TASP1: variants seen among roughly 807,000 people sequenced by gnomAD.
TASP1 encodes taspase 1.
Under a neutral mutation model 56.6 loss-of-function variants are expected in TASP1, and 16 were observed. The observed-to-expected ratio is 0.28, with a 90% CI of 0.19 to 0.43. The LOEUF is 0.43. Among genes scored for constraint, TASP1 ranks in the 20% least tolerant of loss-of-function variants. The pLI is 1.00. For missense variants in TASP1, 393 were observed against 511.6 expected, an observed-to-expected ratio of 0.77 and a Z score of 2.24; for synonymous variants, 179 against 184.2, an observed-to-expected ratio of 0.97 and a Z score of 0.23.
intron 12 of TASP1, among the ~76,000 whole-genome samples, chr20:13,434,728 G>C (rs1430909827): frequency 3.3e-5 from 5 of 152,086 alleles, no homozygotes; most frequent in African/African-American, 1.2e-4. Context: ...GCCTTGTTAT[G>C]GGTCACCTCA....
the TASP1 span, among the ~76,000 whole-genome samples, chr20:13,172,047 C>T: frequency 6.6e-6 from 1 of 150,808 alleles, no homozygotes; most frequent in South Asian, 2.1e-4. Context: ...AAGCAAAGGC[C>T]AGAAAAAAAT....
chr20:13,134,754 A>G, the TASP1 span, among the ~76,000 whole-genome samples: 1 of 151,678 alleles, frequency 6.6e-6, no homozygotes, highest in East Asian at 1.9e-4. Context: ...ACAAAGGTAA[A>G]GGACCTAGCA....
At chr20:13,268,380 CT>C in the TASP1 span, among the ~76,000 whole-genome samples, 2 of 132,050 alleles carry the variant, frequency 1.5e-5, no homozygotes, top group South Asian at 2.4e-4. Context: ...CTCTCTCTCT[CT>C]CTCTCTCTCT....
the TASP1 span, chr20:13,164,867 A>G: frequency 6.2e-7 from 1 of 1,611,538 alleles, no homozygotes. Flanking sequence ...TCGAAGATTA[A>G]GTTTCCTGGT....
chr20:13,162,701 C>T, the TASP1 span, among the ~76,000 whole-genome samples: 3 of 152,320 alleles, frequency 2.0e-5, no homozygotes, highest in East Asian at 5.8e-4. Context: ...CAACTCTAGC[C>T]TCGCTTTCAT....
At chr20:13,350,460 TGAA>T in the TASP1 span, among the ~76,000 whole-genome samples, 2 of 151,946 alleles carry the variant, frequency 1.3e-5, no homozygotes, top group Non-Finnish European at 2.9e-5. Context: ...AAAATAAACT[TGAA>T]GAAATCACAT....
chr20:13,586,950 A>C (rs2047326052), intron 5 of TASP1, among the ~76,000 whole-genome samples: 5 of 152,114 alleles, frequency 3.3e-5, no homozygotes, highest in Admixed American at 3.3e-4. Context: ...AATTTTATTT[A>C]TATTACCTGA....
At chr20:13,202,991 T>C in the TASP1 span, among the ~76,000 whole-genome samples, 10 of 152,228 alleles carry the variant, frequency 6.6e-5, no homozygotes, top group African/African-American at 2.2e-4. Flanking sequence ...CTAAACTTAA[T>C]TTAACACAAT....
chr20:13,361,212 C>T, the TASP1 span, among the ~76,000 whole-genome samples: 1 of 152,100 alleles, frequency 6.6e-6, no homozygotes, highest in Admixed American at 6.5e-5. Flanking sequence ...ACTAAAATAC[C>T]TCTTAGTCTA....
intron 8 of TASP1, among the ~76,000 whole-genome samples, chr20:13,537,231 T>C (rs1023094241): frequency 1.3e-5 from 2 of 152,170 alleles, no homozygotes; most frequent in Non-Finnish European, 2.9e-5. Flanking sequence ...TATACATACA[T>C]GGATTTACTG....
At chr20:13,293,643 G>A in the TASP1 span, among the ~76,000 whole-genome samples, 1 of 152,198 alleles carries the variant, frequency 6.6e-6, no homozygotes, top group Middle Eastern at 3.4e-3. Context: ...AGACAAATAA[G>A]AAAGTCTGGA....
the TASP1 span, among the ~76,000 whole-genome samples, chr20:13,321,253 T>TAAAAAAAAAAAAAAAAAAAAAAAA: frequency 3.0e-4 from 17 of 57,522 alleles, no homozygotes; most frequent in Non-Finnish European, 4.4e-4. Context: ...GTGCCCCACA[T>TAAAAAAAAAAAAAAAAAAAAAAAA]AAAAAAAAAA....
At chr20:13,160,120 G>A in the TASP1 span, 2 of 1,613,964 alleles carry the variant, frequency 1.2e-6, no homozygotes, top group Non-Finnish European at 1.7e-6. Flanking sequence ...ATACCCGGGA[G>A]ATGTTAGACA....
At chr20:13,521,044 C>T (rs1258791365) in intron 10 of TASP1, among the ~76,000 whole-genome samples, 1 of 152,178 alleles carries the variant, frequency 6.6e-6, no homozygotes, top group Non-Finnish European at 1.5e-5. Flanking sequence ...CACTGGCCAT[C>T]AGAGAAATAC....
intron 12 of TASP1, among the ~76,000 whole-genome samples, chr20:13,419,131 T>C (rs1200605045): frequency 6.6e-6 from 1 of 152,244 alleles, no homozygotes; most frequent in Admixed American, 6.5e-5. Context: ...CTTTGATAAC[T>C]GTACTGTGAT....
At chr20:13,378,821 T>A in the TASP1 span, among the ~76,000 whole-genome samples, 1 of 152,220 alleles carries the variant, frequency 6.6e-6, no homozygotes, top group Admixed American at 6.5e-5. Flanking sequence ...CCTTTACCAT[T>A]ATGTAATGCC....
chr20:13,403,907 A>G (rs2041827695), intron 13 of TASP1, among the ~76,000 whole-genome samples: 1 of 152,126 alleles, frequency 6.6e-6, no homozygotes. Flanking sequence ...AAAAACCCAG[A>G]TAGTCTAGCT....
intron 6 of TASP1, among the ~76,000 whole-genome samples, chr20:13,576,206 GGGGGA>G (rs199819862): frequency 0.57 from 55,240 of 96,268 alleles, 19,241 homozygotes; most frequent in Non-Finnish European, 0.69. Flanking sequence ...CGAGACAGAA[GGGGGA>G]GGGGAGGGGA....
chr20:13,510,288 G>A (rs2044281588), intron 10 of TASP1, among the ~76,000 whole-genome samples: 1 of 152,108 alleles, frequency 6.6e-6, no homozygotes, highest in African/African-American at 2.4e-5. Flanking sequence ...CACTAATTTT[G>A]CAAATGATAC....
Sources: allele counts gnomAD v4.1 joint callset (sites outside exome capture counted in the v4.1 genomes callset), GRCh38; gene constraint gnomAD v4.1.1; transcripts MANE v1.5; gene names NCBI Gene and HGNC (gene_info 2026-07-23, HGNC 2026-07-21).